Variants in HGS observed in about 807,000 individuals in gnomAD.
HGS encodes the protein human growth factor-regulated tyrosine kinase substrate.
HGS carries 63 observed loss-of-function variants against 109.7 expected under a neutral mutation model. The observed-to-expected ratio is 0.57, with a 90% confidence interval of 0.47 to 0.71. HGS has a LOEUF of 0.71. HGS is among the 30% of genes least tolerant of loss of function. The pLI, the probability that HGS is intolerant of heterozygous loss-of-function variation, is 0.00. For missense variants in HGS, 995 were observed against 1,068.3 expected (o/e 0.93, Z 0.96); for synonymous variants, 546 against 437.3 (o/e 1.25, Z -3.10).
Position 81,701,653 on chromosome 17 carries a change from T to TA in HGS, c.*36dup, listed in dbSNP as rs1190889046. 1 of 1,525,934 alleles carries TA rather than the reference T, an allele frequency of 6.6e-7. No individual in the cohort carries two copies. The highest frequency in any genetic ancestry group is 8.8e-7 in the Non-Finnish European group (1 of 1,137,848). 94.5% of individuals were successfully genotyped at this position (1,525,934 alleles called of 1,614,324 possible). ...TGCTCACGTCCGGAGTAACACTACATACAGTTCACCTGAAACGCCTCGTCT... is the reference window on the plus strand; with the variant it reads ...TGCTCACGTCCGGAGTAACACTACATAACAGTTCACCTGAAACGCCTCGTCT... On this transcript the variant is annotated 3_prime_UTR_variant, in exon 22 of 22. Coordinates refer to ENST00000329138, the MANE Select transcript of HGS (RefSeq NM_004712.5).
chr17:81,686,322 G>A lies in HGS; in HGVS notation c.133G>A (p.Ala45Thr). 6.2e-7 allele frequency: 1 copy of A among 1,613,486 alleles called. No individual in the cohort carries two copies. Among genetic ancestry groups the A allele is most frequent in the Non-Finnish European group, 8.5e-7 (1 of 1,179,826 alleles). Reference sequence around the variant, plus strand: ...ATGTTTCCTTTTCAGAGCAAAATATGCTGTGAATTCCATCAAGAAGAAAGT... The same window carrying A: ...ATGTTTCCTTTTCAGAGCAAAATATACTGTGAATTCCATCAAGAAGAAAGT... ...IRQGDTQAKYAVNSIKKKVND... is the reference protein window; with the variant it reads ...IRQGDTQAKYTVNSIKKKVND... Residue 45 changes from alanine (A) to threonine (T), a missense_variant, in exon 3 of 22, where the codon GCT becomes ACT. By Grantham distance (58) the Ala-to-Thr change is moderately conservative. Transcript: ENST00000329138.
intron 21 of HGS, 179 bp downstream of exon 21, chr17:81,701,310 C>A (rs868265043): frequency 1.3e-6 from 1 of 787,356 alleles, no homozygotes. Flanking sequence ...AGGGCAGATA[C>A]GCGCATCCGC....
chr17:81,693,795 C>A (rs371286627), intron 10 of HGS, 43 bp downstream of exon 10: 3 of 1,546,808 alleles, frequency 1.9e-6, no homozygotes, highest in Non-Finnish European at 2.6e-6. Flanking sequence ...GGGCCCAGCT[C>A]CCCTGGATGT....
intron 20 of HGS, 71 bp from the exon 21 acceptor site, chr17:81,700,974 G>A (rs980353486): frequency 7.5e-5 from 117 of 1,551,954 alleles, no homozygotes; most frequent in Middle Eastern, 1.7e-4. Context: ...TTGGATTGTT[G>A]CAAGCCAGAA....
At chr17:81,692,653 C>G (rs2037082157) in intron 8 of HGS, 1 of 152,250 alleles carries the variant, frequency 6.6e-6, no homozygotes, top group South Asian at 2.1e-4. Flanking sequence ...GGGGGCTGTG[C>G]AGGTCTGCCT....
Position 81,701,861 on chromosome 17 carries a change from G to T in HGS, c.*243G>T. 1 of 507,560 alleles carries T rather than the reference G, an allele frequency of 2.0e-6. No homozygotes were observed. The highest frequency in any genetic ancestry group is 3.3e-6 in the Non-Finnish European group (1 of 302,456). The allele number at this position is 507,560 out of a possible 1,614,324, so 31.4% of individuals were successfully genotyped here. On this transcript the variant is annotated 3_prime_UTR_variant, in exon 22 of 22. Transcript: ENST00000329138. ...GGGAGGGAAGGACTTTCTCCCAGGG[G>T]AAGCCCCCAGCCCTGTGGGTCATGG...
chr17:81,696,506 G>A lies in HGS; in HGVS notation c.1543G>A (p.Glu515Lys). The change falls in exon 16 of 22, where the codon GAG becomes AAG. Residue 515 changes from glutamate to lysine, a missense_variant. Around this residue, in one of 6 missense-constraint regions of HGS, gnomAD observed 163 missense variants for 217.8 expected, o/e 0.75. Coordinates refer to ENST00000329138, the MANE Select transcript of HGS (RefSeq NM_004712.5). ...CCAGATCCAGCTGGCCCAGAAGCTG[G>A]AGATAATGCGGCAGAAGAAGCAGGT... The part of the protein sequence containing the change: ...QRQIQLAQKL[E>K]IMRQKKQEYL... 2.6e-6 allele frequency: 4 copies of A among 1,527,688 alleles called. No homozygotes were observed. Among genetic ancestry groups the A allele is most frequent in the Non-Finnish European group, 3.5e-6 (4 of 1,135,820 alleles). 94.6% of individuals were successfully genotyped at this position (1,527,688 alleles called of 1,614,324 possible). A position where few individuals can be genotyped will look rare whatever the true frequency, so the allele number is the denominator to read the frequency against.
At chr17:81,697,349 G>GGCCCC (rs2037168001) in intron 18 of HGS, 1 of 61,802 alleles carries the variant, frequency 1.6e-5, no homozygotes, top group Non-Finnish European at 3.0e-5. Flanking sequence ...CGTGGCATTT[G>GGCCCC]CCCCCCCCCC....
chr17:81,687,958 C>G (rs1014724604), intron 4 of HGS, among the ~76,000 whole-genome samples: 1 of 152,222 alleles, frequency 6.6e-6, no homozygotes, highest in Non-Finnish European at 1.5e-5. Flanking sequence ...TGGCCCTGCC[C>G]GACCCTGGTG....
Position 81,691,371 on chromosome 17 carries a change from C to T in HGS, c.538-76C>T, listed in dbSNP as rs112862107. 1.8e-5 allele frequency: 29 copies of T among 1,587,620 alleles called. No individual in the cohort carries two copies. The African/African-American group carries it at 2.3e-4, about 12-fold the overall frequency. On this transcript the variant is annotated intron_variant, in intron 7 of 21. Transcript: ENST00000329138. This position sits in a 1 kb window ranked among gnomAD's most constrained non-coding sequence, Gnocchi z 5.3. Reference sequence around the variant, plus strand: ...TGTGAGGCCCAGCTTCGGCATCGTACGGGGTGGTTCTGGGCCGGGTGGCGC... The same window carrying T: ...TGTGAGGCCCAGCTTCGGCATCGTATGGGGTGGTTCTGGGCCGGGTGGCGC...
In HGS at chr17:81,701,687, C is replaced by G. The variant is rs554508263; in HGVS notation, c.*69C>G. 2.0e-6 allele frequency: 3 copies of G among 1,501,446 alleles called. No individual in the cohort carries two copies. Among genetic ancestry groups the G allele is most frequent in the Non-Finnish European group, 2.7e-6 (3 of 1,121,358 alleles). The allele number at this position is 1,501,446 out of a possible 1,614,324, so 93.0% of individuals were successfully genotyped here. A position where few individuals can be genotyped will look rare whatever the true frequency, so the allele number is the denominator to read the frequency against. On this transcript the variant is annotated 3_prime_UTR_variant, in exon 22 of 22. Coordinates refer to ENST00000329138, the MANE Select transcript of HGS (RefSeq NM_004712.5). Reference sequence around the variant, plus strand: ...CCTGAAACGCCTCGTCTCTAACTGCCGTCGTCCTGCCTCCCTGTCCTCTAC... The same window carrying G: ...CCTGAAACGCCTCGTCTCTAACTGCGGTCGTCCTGCCTCCCTGTCCTCTAC...
rs761653970 is a variant in HGS at position 81,696,935 on chromosome 17, G to A, written c.1819G>A (p.Val607Met). ...GGTGGAGGGCTCCCCAATGCACGGC[G>A]TGTACATGAGCCAGCCGGCCCCTGC... ...GSVEGSPMHG[V>M]YMSQPAPAAG... Residue 607 changes from valine (V) to methionine (M), a missense_variant, in exon 18 of 22, where the codon GTG becomes ATG. Transcript: ENST00000329138. 6 of 1,606,652 alleles carry A rather than the reference G, an allele frequency of 3.7e-6. No homozygotes were observed. The Admixed American group carries it at 5.0e-5, about 13-fold the overall frequency.
At chr17:81,700,836 G>A (rs1258991358) in intron 20 of HGS, 22 bp downstream of exon 20, 2 of 1,603,780 alleles carry the variant, frequency 1.2e-6, no homozygotes, top group African/African-American at 1.3e-5. Context: ...TCCAGGCCCT[G>A]CTGGGGGCCA....
chr17:81,696,796 C>T (rs868808183), intron 17 of HGS, 28 bp from the exon 18 acceptor site: 9 of 1,602,646 alleles, frequency 5.6e-6, no homozygotes, highest in Admixed American at 5.0e-5. Context: ...TGAGGACCAA[C>T]TCTCACCGCT....
Position 81,691,917 on chromosome 17 carries a change from A to G in HGS, c.662+346A>G, listed in dbSNP as rs549126559. On this transcript the variant is annotated intron_variant, in intron 8 of 21. Transcript: ENST00000329138. This position sits in a 1 kb window ranked among gnomAD's most constrained non-coding sequence, Gnocchi z 5.3. ...ACAGAGAAGCTGCGGGGCCGCGGCC[A>G]GTGCCTCAGCGGTGGGAACCTGCGG... 9.6e-6 allele frequency: 2 copies of G among 208,770 alleles called. No individual in the cohort carries two copies. Among genetic ancestry groups the G allele is most frequent in the South Asian group, 9.3e-5 (1 of 10,798 alleles). The allele number at this position is 208,770 out of a possible 1,614,324, so 12.9% of individuals were successfully genotyped here. A position where few individuals can be genotyped will look rare whatever the true frequency, so the allele number is the denominator to read the frequency against.
chr17:81,696,225 CCAGAGCCCAGCACCTT>C, intron 15 of HGS, 116 bp from the exon 16 acceptor site: 1 of 1,256,204 alleles, frequency 8.0e-7, no homozygotes, highest in Non-Finnish European at 1.1e-6. Flanking sequence ...CCTGCCTCCC[CCAGAGCCCAGCACCTT>C]CAGAGCCCTC....
In HGS at chr17:81,701,744, G is replaced by T; in HGVS notation, c.*126G>T. 1.6e-5 allele frequency: 22 copies of T among 1,385,264 alleles called. No individual in the cohort carries two copies. The South Asian group carries it at 3.3e-4, about 21-fold the overall frequency. The allele number at this position is 1,385,264 out of a possible 1,614,324, so 85.8% of individuals were successfully genotyped here. On this transcript the variant is annotated 3_prime_UTR_variant, in exon 22 of 22. Transcript: ENST00000329138. ...TAGTGTCCCTTCTCTGCGAGTGAGG[G>T]GGGGCCTTCACCCCAAGCCCACCTC...
chr17:81,696,239 C>A, intron 15 of HGS, 118 bp from the exon 16 acceptor site: 1 of 1,327,146 alleles, frequency 7.5e-7, no homozygotes, highest in Non-Finnish European at 1.0e-6. Flanking sequence ...AGCCCAGCAC[C>A]TTCAGAGCCC....
In HGS at chr17:81,688,383, C is replaced by T. The variant is rs75384556; in HGVS notation, c.292-321C>T. Among the ~76,000 whole-genome samples, 597 of 152,354 alleles carry T rather than the reference C, an allele frequency of 3.9e-3. 6 individuals carry two copies. Among genetic ancestry groups the T allele is most frequent in the Non-Finnish European group, 3.9e-3 (264 of 68,032 alleles). ...ACCACGCTGCCACCGTCAGGCCTGC[C>T]GGGTCCTGCCTGTTGGAGGCTGACG... On this transcript the variant is annotated intron_variant, in intron 4 of 21. Coordinates refer to ENST00000329138, the MANE Select transcript of HGS (RefSeq NM_004712.5).
Sources: allele counts gnomAD v4.1 joint callset (sites outside exome capture counted in the v4.1 genomes callset), GRCh38; gene constraint gnomAD v4.1.1; regional missense constraint gnomAD v4.1.1; non-coding constraint Gnocchi (gnomAD v3.1); transcripts MANE v1.5; gene names NCBI Gene and HGNC (gene_info 2026-07-23, HGNC 2026-07-21).